Variants in DSCAM observed in about 807,000 individuals in gnomAD.
DSCAM encodes DS cell adhesion molecule.
DSCAM carries 47 observed loss-of-function variants against 217.7 expected under a neutral mutation model. The ratio of observed to expected loss-of-function variants is 0.22; its 90% confidence interval spans 0.17 to 0.28. The LOEUF (loss-of-function observed/expected upper bound fraction) is 0.28. Ranked by LOEUF, DSCAM falls within the 10% of genes least tolerant of loss-of-function variation. The pLI is 1.00. For missense variants in DSCAM, 2,080 were observed against 2,618.3 expected (o/e 0.79, Z 4.49); for synonymous variants, 1,056 against 1,015.3 (o/e 1.04, Z -0.76).
intron 2 of DSCAM, among the ~76,000 whole-genome samples, chr21:40,698,622 C>T (rs2090620011): frequency 6.6e-6 from 1 of 152,124 alleles, no homozygotes; most frequent in Admixed American, 6.5e-5. Context: ...GTAATCCCAG[C>T]ACTTTGTGAG....
At chr21:40,776,358 G>T (rs1348493092) in intron 1 of DSCAM, among the ~76,000 whole-genome samples, 1 of 152,102 alleles carries the variant, frequency 6.6e-6, no homozygotes, top group East Asian at 1.9e-4. Context: ...TGTCTTTCAG[G>T]ATTATGATCA....
At chr21:40,468,120 C>G (rs1018425153) in intron 3 of DSCAM, among the ~76,000 whole-genome samples, 2 of 152,162 alleles carry the variant, frequency 1.3e-5, no homozygotes, top group African/African-American at 4.8e-5. Context: ...CCATCTGAGA[C>G]AAATGCACAT....
Position 40,236,488 on chromosome 21 carries a change from T to C in DSCAM, c.2356+39609A>G, listed in dbSNP as rs540657454. ...TAGGGTGTTACTTCCAGGGTACAAA[T>C]ACATGGGGTAAGGAGCTAGATCTCA... On this transcript the variant is annotated intron_variant, in intron 11 of 32. Coordinates refer to ENST00000400454, the MANE Select transcript of DSCAM (RefSeq NM_001389.5). Among the ~76,000 whole-genome samples the C allele has an allele frequency of 2.0e-4, 30 of 152,126 alleles. No individual in the cohort carries two copies. The South Asian group carries it at 6.0e-3, about 31-fold the overall frequency.
At chr21:40,434,843 A>G (rs926990850) in intron 3 of DSCAM, among the ~76,000 whole-genome samples, 2 of 152,206 alleles carry the variant, frequency 1.3e-5, no homozygotes, top group Non-Finnish European at 2.9e-5. Flanking sequence ...ACAATCACTG[A>G]TATCTACAAG....
intron 3 of DSCAM, among the ~76,000 whole-genome samples, chr21:40,587,054 AATT>A (rs2076951838): frequency 6.6e-6 from 1 of 151,734 alleles, no homozygotes; most frequent in Non-Finnish European, 1.5e-5. Context: ...AATCTAGTAA[AATT>A]ATTATACTTA....
chr21:40,370,278 T>C (rs2074881678), intron 3 of DSCAM, among the ~76,000 whole-genome samples: 1 of 150,680 alleles, frequency 6.6e-6, no homozygotes, highest in Non-Finnish European at 1.5e-5. Context: ...AAAGTAGAGC[T>C]GAGAGTGCCT....
intron 3 of DSCAM, among the ~76,000 whole-genome samples, chr21:40,555,745 G>A (rs1322557035): frequency 6.6e-6 from 1 of 152,238 alleles, no homozygotes; most frequent in East Asian, 1.9e-4. Context: ...TGATCAACTT[G>A]CCTTAGCCTT....
chr21:40,326,762 G>T (rs2074321747), intron 8 of DSCAM, among the ~76,000 whole-genome samples: 1 of 151,944 alleles, frequency 6.6e-6, no homozygotes, highest in Non-Finnish European at 1.5e-5. Flanking sequence ...AAAAATGTGG[G>T]GTACAGTCCA....
intron 18 of DSCAM, among the ~76,000 whole-genome samples, chr21:40,139,293 G>C (rs1276261799): frequency 6.6e-6 from 1 of 151,944 alleles, no homozygotes; most frequent in African/African-American, 2.4e-5. Context: ...ACGTGCCCAG[G>C]GTGGTCGGGG....
intron 18 of DSCAM, among the ~76,000 whole-genome samples, chr21:40,138,320 T>C (rs1312837097): frequency 2.7e-5 from 4 of 146,726 alleles, no homozygotes; most frequent in African/African-American, 7.6e-5. Context: ...GTGTATGGTG[T>C]ATGTGTGTGC....
chr21:40,589,300 G>A (rs1005251396), intron 3 of DSCAM, among the ~76,000 whole-genome samples: 2 of 152,108 alleles, frequency 1.3e-5, no homozygotes, highest in Non-Finnish European at 2.9e-5. Context: ...AAATTAGTTC[G>A]GGCACAGTGG....
intron 11 of DSCAM, among the ~76,000 whole-genome samples, chr21:40,226,254 G>C (rs1322774785): frequency 2.0e-5 from 3 of 152,212 alleles, no homozygotes; most frequent in Non-Finnish European, 4.4e-5. Context: ...AAGATGCACA[G>C]AAAGTTTGGT....
chr21:40,367,952 C>A (rs2074851599), intron 4 of DSCAM, among the ~76,000 whole-genome samples: 1 of 152,180 alleles, frequency 6.6e-6, no homozygotes, highest in African/African-American at 2.4e-5. Flanking sequence ...AATGAACAAA[C>A]ATCGTGGGAT....
intron 20 of DSCAM, among the ~76,000 whole-genome samples, chr21:40,106,484 T>C (rs2089822480): frequency 6.6e-6 from 1 of 152,188 alleles, no homozygotes; most frequent in Non-Finnish European, 1.5e-5. Flanking sequence ...GCTGGCCTCA[T>C]AGAACGAGTT....
Position 40,398,119 on chromosome 21 carries a change from C to T in DSCAM, c.509-28874G>A, listed in dbSNP as rs528691852. ...TGCTGGCTATTGCTGAAAAAACTTA[C>T]CTAAATTCCCTGGTCCTGGGCCTGT... On this transcript the variant is annotated intron_variant, in intron 3 of 32. Coordinates refer to ENST00000400454, the MANE Select transcript of DSCAM (RefSeq NM_001389.5). Among the ~76,000 whole-genome samples, 48 of 152,174 alleles carry T rather than the reference C, an allele frequency of 3.2e-4. 1 individual carries two copies. The highest frequency in any genetic ancestry group is 1.2e-3 in the Admixed American group (19 of 15,268).
intron 27 of DSCAM, among the ~76,000 whole-genome samples, chr21:40,073,310 A>T (rs944085083): frequency 1.3e-5 from 2 of 152,242 alleles, no homozygotes; most frequent in Non-Finnish European, 2.9e-5. Flanking sequence ...GATTAAATCA[A>T]AATCATTAAT....
rs555201766 is a variant in DSCAM at position 40,219,093 on chromosome 21, T to C, written c.2357-29855A>G. 2.0e-5 allele frequency among the ~76,000 whole-genome samples: 3 copies of C among 152,348 alleles called. No homozygotes were observed. The South Asian group carries it at 6.2e-4, about 32-fold the overall frequency. On this transcript the variant is annotated intron_variant, in intron 11 of 32. Coordinates refer to ENST00000400454, the MANE Select transcript of DSCAM (RefSeq NM_001389.5). ...ATGCTTCCAGCTTTTGCCCATTCCA[T>C]ATGATATTGGCTGTGGGTTTGTCAT...
rs191460678 is a variant in DSCAM, at chr21:40,266,273, G to A, written c.2356+9824C>T. Among the ~76,000 whole-genome samples the A allele has an allele frequency of 4.6e-4, 70 of 152,082 alleles. 1 individual carries two copies. The East Asian group carries it at 7.5e-3, about 16-fold the overall frequency. On this transcript the variant is annotated intron_variant, in intron 11 of 32. Coordinates refer to ENST00000400454, the MANE Select transcript of DSCAM (RefSeq NM_001389.5). ...ACTGCTCAACATCACTAACTATTAG[G>A]GAAATGCCAATTAAAACCACAATGA... is the stretch of plus-strand genomic sequence containing the variant.
chr21:40,607,400 A>ATT (rs58893055), intron 3 of DSCAM, among the ~76,000 whole-genome samples: 4,623 of 121,100 alleles, frequency 0.038, 235 homozygotes, highest in African/African-American at 0.11. Context: ...TTTAATTCTG[A>ATT]TTTTTTTTTT....
Sources: allele counts gnomAD v4.1 joint callset (sites outside exome capture counted in the v4.1 genomes callset), GRCh38; gene constraint gnomAD v4.1.1; transcripts MANE v1.5; gene names NCBI Gene and HGNC (gene_info 2026-07-23, HGNC 2026-07-21).